The following RBP4 variants were observed in gnomAD, a reference collection of about 807,000 sequenced individuals.
RBP4 encodes retinol binding protein 4.
Under a neutral mutation model 26.2 loss-of-function variants are expected in RBP4, and 9 were observed. That is an observed-to-expected ratio of 0.34 (90% CI 0.21 to 0.60). The LOEUF (loss-of-function observed/expected upper bound fraction) is 0.60. Among genes scored for constraint, RBP4 ranks in the 20% least tolerant of loss-of-function variants. The probability of loss-of-function intolerance (pLI) is 0.80; values close to 1 mark genes in which losing one functional copy is unlikely to be tolerated. For synonymous variants in RBP4, 114 were observed against 111.0 expected (o/e 1.03, Z -0.17); for missense variants, 244 against 271.3 (o/e 0.90, Z 0.71).
At chr10:93,594,988 A>C (rs1011982324) in intron 4 of RBP4, among the ~76,000 whole-genome samples, 2 of 152,032 alleles carry the variant, frequency 1.3e-5, no homozygotes, top group African/African-American at 4.8e-5. Context: ...AAAAATGAAA[A>C]TAATTAGCCA....
chr10:93,601,439 G>A (rs2058339034), upstream of RBP4: 5 of 1,196,154 alleles, frequency 4.2e-6, no homozygotes, highest in Non-Finnish European at 5.5e-6. Flanking sequence ...GAGCGGCCGC[G>A]CGGGGTGGCC....
At chr10:93,596,248 T>A (rs1211687850) in intron 4 of RBP4, among the ~76,000 whole-genome samples, 1 of 152,068 alleles carries the variant, frequency 6.6e-6, no homozygotes, top group Non-Finnish European at 1.5e-5. Context: ...CATTTAAATT[T>A]TGACAGAGGA....
chr10:93,600,650 C>T lies in RBP4; in HGVS notation c.248+17G>A, dbSNP rs768507461. On this transcript the variant is annotated intron_variant, in intron 3 of 5. Coordinates refer to ENST00000371464, the MANE Select transcript of RBP4 (RefSeq NM_006744.4). ...CCCTGGAGCGCAAAGGGCGCAGCTG[C>T]CCCGGCGGCCACTGACTTCAAAAGA... 24 of 1,611,774 alleles carry T rather than the reference C, an allele frequency of 1.5e-5. No homozygotes were observed. Among genetic ancestry groups the T allele is most frequent in the Non-Finnish European group, 2.0e-5 (24 of 1,179,246 alleles).
chr10:93,591,880 A>C lies in RBP4; in HGVS notation c.*195T>G. ...ATAGTTTAATGAATCAGAGTCTGGA[A>C]TCTTAAGCCCCAGAAACTTTCAGGA... On this transcript the variant is annotated 3_prime_UTR_variant, in exon 6 of 6. Transcript: ENST00000371464. 1 of 601,662 alleles carries C rather than the reference A, an allele frequency of 1.7e-6. No individual in the cohort carries two copies. The highest frequency in any genetic ancestry group is 3.0e-6 in the Non-Finnish European group (1 of 338,806). The allele number at this position is 601,662 out of a possible 1,614,324, so 37.3% of individuals were successfully genotyped here.
Position 93,593,843 on chromosome 10 carries a change from T to G in RBP4, c.548A>C (p.Tyr183Ser). ...CTCACCGTTGTGGACGATCAGCCTGTACTGCCTGGCCAGGCACAGCTCCTC... is the reference window on the plus strand; with the variant it reads ...CTCACCGTTGTGGACGATCAGCCTGGACTGCCTGGCCAGGCACAGCTCCTC... Reference protein sequence around the residue: ...RQEELCLARQYRLIVHNGYCD... With the variant: ...RQEELCLARQSRLIVHNGYCD... Residue 183 changes from tyrosine (Y) to serine (S), a missense_variant, in exon 5 of 6, where the codon TAC (tyrosine) becomes TCC (serine). By Grantham distance (144) the Tyr-to-Ser change is moderately radical. Coordinates refer to ENST00000371464, the MANE Select transcript of RBP4 (RefSeq NM_006744.4). 1.2e-6 allele frequency: 2 copies of G among 1,612,176 alleles called. No homozygotes were observed. Among genetic ancestry groups the G allele is most frequent in the Non-Finnish European group, 1.7e-6 (2 of 1,179,894 alleles).
At position 93,591,853 on chromosome 10, in the gene RBP4, CTATAGTT is replaced by C; in HGVS notation, c.*215_*221del. ...AACTAAAATCACAGGACACGGGTGA[CTATAGTT>C]TAATGAATCAGAGTCTGGAATCTTA... is the stretch of plus-strand genomic sequence containing the variant. On this transcript the variant is annotated 3_prime_UTR_variant, in exon 6 of 6. Transcript: ENST00000371464. 1 of 578,456 alleles carries C rather than the reference CTATAGTT, an allele frequency of 1.7e-6. No homozygotes were observed. The highest frequency in any genetic ancestry group is 2.9e-5 in the East Asian group (1 of 34,250). 35.8% of individuals were successfully genotyped at this position (578,456 alleles called of 1,614,324 possible).
intron 4 of RBP4, among the ~76,000 whole-genome samples, chr10:93,597,177 C>T (rs7099587): frequency 3.7e-3 from 564 of 152,306 alleles, no homozygotes; most frequent in African/African-American, 0.013. Context: ...TGTTAACAAG[C>T]ACCCTAGTGT....
In RBP4 at chr10:93,593,909, C is replaced by T. The variant is rs1182824785; in HGVS notation, c.482G>A (p.Gly161Asp). 6.2e-7 allele frequency: 1 copy of T among 1,613,944 alleles called. No individual in the cohort carries two copies. The highest frequency in any genetic ancestry group is 1.1e-5 in the South Asian group (1 of 91,070). The change falls in exon 5 of 6, where the codon GGC becomes GAC. Residue 161 changes from glycine (G) to aspartate (D), a missense_variant. Physicochemically the swap from Gly to Asp is moderately conservative, Grantham distance 94 (BLOSUM62 -1). Transcript: ENST00000371464. ...AATCTTCTGCGCTTCTGGGGGCAGG[C>T]CGTTGGGGTCCCGGGAAAACACGAA... The part of the protein sequence containing the change: ...YSFVFSRDPN[G>D]LPPEAQKIVR...
chr10:93,595,315 G>A (rs2058296338), intron 4 of RBP4, among the ~76,000 whole-genome samples: 1 of 151,988 alleles, frequency 6.6e-6, no homozygotes. Context: ...GTCACTGTAT[G>A]GACACTCCCA....
chr10:93,593,508 T>G (rs534692833), intron 5 of RBP4, among the ~76,000 whole-genome samples: 1 of 152,122 alleles, frequency 6.6e-6, no homozygotes, highest in East Asian at 1.9e-4. Flanking sequence ...GTCACAATGG[T>G]TTTTTGGGGC....
Position 93,591,981 on chromosome 10 carries a change from G to T in RBP4, c.*94C>A. On this transcript the variant is annotated 3_prime_UTR_variant, in exon 6 of 6. Transcript: ENST00000371464. ...GTTTTATGGGAACTGAGGGAAGATG[G>T]GGAGAGAAGGGCAAATTAAACTCCT... The T allele has an allele frequency of 1.9e-6, 2 of 1,037,746 alleles. No homozygotes were observed. Among genetic ancestry groups the T allele is most frequent in the Non-Finnish European group, 3.0e-6 (2 of 657,984 alleles). The allele number at this position is 1,037,746 out of a possible 1,614,324, so 64.3% of individuals were successfully genotyped here. A position where few individuals can be genotyped will look rare whatever the true frequency, so the allele number is the denominator to read the frequency against.
upstream of RBP4, chr10:93,601,615 G>C (rs1273913948): frequency 2.6e-6 from 2 of 760,244 alleles, no homozygotes; most frequent in African/African-American, 1.7e-5. Context: ...GCGGACCCGC[G>C]AGGCTCCCTG....
At chr10:93,597,823 T>C (rs2058312053) in intron 4 of RBP4, among the ~76,000 whole-genome samples, 1 of 152,198 alleles carries the variant, frequency 6.6e-6, no homozygotes, top group Non-Finnish European at 1.5e-5. Context: ...AGGCTGAGGA[T>C]GCAGCCCACT....
upstream of RBP4, chr10:93,601,328 G>C: frequency 2.5e-6 from 3 of 1,220,842 alleles, no homozygotes; most frequent in African/African-American, 3.2e-5. Context: ...AAGGGGAGGC[G>C]CCGGGGGCAC....
chr10:93,601,239 C>A (rs1012528031), upstream of RBP4: 32 of 1,227,692 alleles, frequency 2.6e-5, no homozygotes, highest in Non-Finnish European at 3.2e-5. Context: ...GGGAGGCGAG[C>A]GCGCCGCGGC....
Position 93,593,903 on chromosome 10 carries a change from G to A in RBP4, c.488C>T (p.Pro163Leu), listed in dbSNP as rs1200700147. 1.2e-6 allele frequency: 2 copies of A among 1,613,864 alleles called. No individual in the cohort carries two copies. Among genetic ancestry groups the A allele is most frequent in the Non-Finnish European group, 1.7e-6 (2 of 1,180,030 alleles). ...CCTTACAATCTTCTGCGCTTCTGGG[G>A]GCAGGCCGTTGGGGTCCCGGGAAAA... ...FVFSRDPNGLPPEAQKIVRQR... is the reference protein window; with the variant it reads ...FVFSRDPNGLLPEAQKIVRQR... Residue 163 changes from proline to leucine, a missense_variant, in exon 5 of 6, where the codon CCC becomes CTC. Physicochemically the swap from Pro to Leu is moderately conservative, Grantham distance 98. Transcript: ENST00000371464.
chr10:93,599,552 T>C (rs967288530), intron 4 of RBP4, among the ~76,000 whole-genome samples: 4 of 152,186 alleles, frequency 2.6e-5, no homozygotes, highest in African/African-American at 9.6e-5. Context: ...GCTTCTGACA[T>C]TGGCTCTAAC....
At chr10:93,593,485 CA>C (rs36035572) in intron 5 of RBP4, among the ~76,000 whole-genome samples, 28,361 of 152,086 alleles carry the variant, frequency 0.19, 2,755 homozygotes, top group South Asian at 0.34. Context: ...CAATCCCAAA[CA>C]ATCTTAATTC....
Position 93,601,215 on chromosome 10 carries a change from C to A in RBP4, c.-63G>T, listed in dbSNP as rs2058337188. On this transcript the variant is annotated 5_prime_UTR_variant, in exon 1 of 6. Coordinates refer to ENST00000371464, the MANE Select transcript of RBP4 (RefSeq NM_006744.4). ...CGCAAGCCTGGCCGCCGAGTCCGGG[C>A]GCGCGTGGAGCGAGGGAGGCGAGCG... 5 of 1,313,834 alleles carry A rather than the reference C, an allele frequency of 3.8e-6. No individual in the cohort carries two copies. In the African/African-American group the frequency reaches 6.3e-5, roughly 16 times the overall value. The allele number at this position is 1,313,834 out of a possible 1,614,324, so 81.4% of individuals were successfully genotyped here. A position where few individuals can be genotyped will look rare whatever the true frequency, so the allele number is the denominator to read the frequency against.
Sources: allele counts gnomAD v4.1 joint callset (sites outside exome capture counted in the v4.1 genomes callset), GRCh38; gene constraint gnomAD v4.1.1; transcripts MANE v1.5; gene names NCBI Gene and HGNC (gene_info 2026-07-23, HGNC 2026-07-21).